Variants in CACNG6 observed in about 807,000 individuals in gnomAD.
The protein encoded by CACNG6 is calcium voltage-gated channel auxiliary subunit gamma 6.
Under a neutral mutation model 23.9 loss-of-function variants are expected in CACNG6, and 21 were observed. The ratio of observed to expected loss-of-function variants is 0.88; its 90% CI spans 0.62 to 1.26. The LOEUF is 1.26. CACNG6 is among the 50% of genes most tolerant of loss of function. The pLI is 0.00. For missense variants in CACNG6, 340 were observed against 352.9 expected, an observed-to-expected ratio of 0.96 and a Z score of 0.29; for synonymous variants, 182 against 168.9, an observed-to-expected ratio of 1.08 and a Z score of -0.60.
chr19:54,012,173 G>A lies in CACNG6; in HGVS notation c.767G>A (p.Gly256Glu), dbSNP rs2069725503. 2 of 1,426,422 alleles carry A rather than the reference G, an allele frequency of 1.4e-6. No homozygotes were observed. The highest frequency in any genetic ancestry group is 1.5e-5 in the African/African-American group (1 of 68,350). The allele number at this position is 1,426,422 out of a possible 1,614,324, so 88.4% of individuals were successfully genotyped here. ...WPWGSLCPKR[G>E]HRAT Reference sequence around the variant, plus strand: ...TGGGGGTCCCTCTGTCCCAAGCGGGGGCACCGGGCCACCTAGAGCCACGCG... The same window carrying A: ...TGGGGGTCCCTCTGTCCCAAGCGGGAGCACCGGGCCACCTAGAGCCACGCG... The change falls in exon 4 of 4, where the codon GGG becomes GAG. Residue 256 changes from glycine to glutamate, a missense_variant. Coordinates refer to ENST00000252729, the MANE Select transcript of CACNG6 (RefSeq NM_145814.2).
intron 3 of CACNG6, among the ~76,000 whole-genome samples, chr19:54,000,869 C>T (rs1409778139): frequency 1.3e-5 from 2 of 152,148 alleles, no homozygotes; most frequent in Non-Finnish European, 2.9e-5. Flanking sequence ...CATGAGCCAC[C>T]ACACACAGCT....
At chr19:54,011,915 C>T (rs368389668) in intron 3 of CACNG6, 36 bp from the exon 4 acceptor site, 177 of 1,389,274 alleles carry the variant, frequency 1.3e-4, no homozygotes, top group Non-Finnish European at 1.6e-4. Context: ...GCTGGGGTCG[C>T]GGGCGTCTGA....
At position 54,005,253 on chromosome 19, in the gene CACNG6, T is replaced by TAAA. The variant is rs1199055881; in HGVS notation, c.544+5484_544+5485insAAA. ...AATAAATAAATAAATAAATAAATAA[T>TAAA]AATAAAAGAAAGAGCACGTGAGAGA... On this transcript the variant is annotated intron_variant, in intron 3 of 3. Transcript: ENST00000252729. 1.4e-4 allele frequency among the ~76,000 whole-genome samples: 8 copies of TAAA among 58,248 alleles called. No individual in the cohort carries two copies. In the East Asian group the frequency reaches 5.5e-3, roughly 40 times the overall value. 38.2% of individuals were successfully genotyped at this position (58,248 alleles called of 152,430 possible). A position where few individuals can be genotyped will look rare whatever the true frequency, so the allele number is the denominator to read the frequency against.
chr19:53,997,863 G>A (rs2069535820), intron 1 of CACNG6, among the ~76,000 whole-genome samples: 1 of 152,122 alleles, frequency 6.6e-6, no homozygotes, highest in Non-Finnish European at 1.5e-5. Context: ...TCTGCTACTT[G>A]TATCTTGGTA....
intron 3 of CACNG6, among the ~76,000 whole-genome samples, chr19:54,005,721 C>G (rs1353256393): frequency 7.0e-6 from 1 of 142,054 alleles, no homozygotes. Context: ...CCACTGCACT[C>G]CAGCCTGGGC....
intron 2 of CACNG6, among the ~76,000 whole-genome samples, chr19:53,999,365 G>A (rs1025983182): frequency 1.3e-5 from 2 of 152,262 alleles, no homozygotes; most frequent in Middle Eastern, 6.8e-3. Context: ...GTGGTAACCA[G>A]ATCCTAAGTA....
intron 3 of CACNG6, among the ~76,000 whole-genome samples, chr19:54,000,776 C>T (rs1342083074): frequency 6.6e-6 from 1 of 152,076 alleles, no homozygotes; most frequent in African/African-American, 2.4e-5. Context: ...GACAGGGTTT[C>T]ACCACATAAG....
Position 53,992,663 on chromosome 19 carries a change from C to A in CACNG6, c.-215C>A. 2.7e-6 allele frequency: 1 copy of A among 364,594 alleles called. No homozygotes were observed. Among genetic ancestry groups the A allele is most frequent in the Non-Finnish European group, 4.9e-6 (1 of 205,146 alleles). The allele number at this position is 364,594 out of a possible 1,614,324, so 22.6% of individuals were successfully genotyped here. ...CCTCCTCTGAACCCCAGAGGCTTCC[C>A]CAGCCCTGGGGATCATTTTTCTCTT... On this transcript the variant is annotated 5_prime_UTR_variant, in exon 1 of 4. Transcript: ENST00000252729. This position sits in a 1 kb window ranked among gnomAD's most constrained non-coding sequence, Gnocchi z 4.1.
intron 3 of CACNG6, among the ~76,000 whole-genome samples, chr19:54,003,312 G>A (rs1383380343): frequency 1.3e-5 from 2 of 152,110 alleles, no homozygotes; most frequent in Admixed American, 6.6e-5. Context: ...CAGCTTGAGA[G>A]GAGGCTGGAG....
rs144258127 is a variant in CACNG6, at chr19:54,001,917, A to C, written c.544+2146A>C. On this transcript the variant is annotated intron_variant, in intron 3 of 3. Transcript: ENST00000252729. ...ATGTAATTGGGGCAAACCTTTTTCT[A>C]TCTCTGAGCTTAAATCTCCTTATAG... 3.2e-4 allele frequency among the ~76,000 whole-genome samples: 48 copies of C among 152,214 alleles called. 1 individual carries two copies. The East Asian group carries it at 7.9e-3, about 25-fold the overall frequency.
chr19:54,010,644 G>A (rs898118515), intron 3 of CACNG6, among the ~76,000 whole-genome samples: 9 of 152,022 alleles, frequency 5.9e-5, no homozygotes, highest in South Asian at 2.1e-4. Flanking sequence ...GTGTGATCAC[G>A]GTTCACTGCT....
chr19:54,011,430 CAAAA>C (rs59105087), intron 3 of CACNG6, among the ~76,000 whole-genome samples: 44,917 of 99,944 alleles, frequency 0.45, 8,224 homozygotes, highest in Middle Eastern at 0.56. Flanking sequence ...GACTCCGTCT[CAAAA>C]AAAAAAAAAA....
At position 53,993,192 on chromosome 19, in the gene CACNG6, C is replaced by T; in HGVS notation, c.315C>T (p.Pro105=). The T allele has an allele frequency of 6.5e-7, 1 of 1,541,250 alleles. No homozygotes were observed. Among genetic ancestry groups the T allele is most frequent in the East Asian group, 2.4e-5 (1 of 40,846 alleles). ...DVPVDRDTCG[P]AELPGEANCT... ...CCGTGGACAGGGACACCTGCGGCCCCGCGGAGCTGCCCGGAGGTGAGCAGC... is the reference window on the plus strand; with the variant it reads ...CCGTGGACAGGGACACCTGCGGCCCTGCGGAGCTGCCCGGAGGTGAGCAGC... Residue 105 remains proline, a synonymous_variant, in exon 1 of 4, where the codon CCC becomes CCT. Coordinates refer to ENST00000252729, the MANE Select transcript of CACNG6 (RefSeq NM_145814.2).
chr19:54,011,227 T>TATATACACACACACACACACAC (rs1442985544), intron 3 of CACNG6, among the ~76,000 whole-genome samples: 27 of 95,278 alleles, frequency 2.8e-4, no homozygotes, highest in African/African-American at 1.6e-3. Context: ...TATATATATA[T>TATATACACACACACACACACAC]ACACACACAC....
chr19:54,004,154 G>A (rs2069608994), intron 3 of CACNG6, among the ~76,000 whole-genome samples: 2 of 151,870 alleles, frequency 1.3e-5, no homozygotes, highest in Non-Finnish European at 2.9e-5. Flanking sequence ...ACCGCACCCG[G>A]CCAAGTGATA....
chr19:54,009,776 C>CT (rs1229411375), intron 3 of CACNG6, among the ~76,000 whole-genome samples: 119 of 90,456 alleles, frequency 1.3e-3, no homozygotes, highest in East Asian at 0.011. Context: ...TTCTTTTTTG[C>CT]TTTTTTTAAA....
At chr19:54,011,205 A>AAAAATATATATATATATATATATAT (rs58054808) in intron 3 of CACNG6, among the ~76,000 whole-genome samples, 5 of 102,506 alleles carry the variant, frequency 4.9e-5, no homozygotes, top group Admixed American at 1.2e-4. Context: ...AAAAAAAAAA[A>AAAAATATATATATATATATATATAT]ATATATATAT....
Position 53,999,144 on chromosome 19 carries a change from G to T in CACNG6, c.407-490G>T, listed in dbSNP as rs116994181. On this transcript the variant is annotated intron_variant, in intron 2 of 3. Transcript: ENST00000252729. ...GCCTCCCAAAGTGCTGGGATTATAG[G>T]TGTGAGCCACCGCACCTGGTCCACA... 4.2e-3 allele frequency among the ~76,000 whole-genome samples: 643 copies of T among 152,226 alleles called. 20 individuals are homozygous for T. The East Asian group carries it at 0.052, about 12-fold the overall frequency.
chr19:53,999,799 G>A (rs1443782161), intron 3 of CACNG6, 28 bp downstream of exon 3: 14 of 1,610,318 alleles, frequency 8.7e-6, no homozygotes, highest in African/African-American at 1.3e-5. Flanking sequence ...GGAGGCTGAG[G>A]ACATTGCATG....
Sources: allele counts gnomAD v4.1 joint callset (sites outside exome capture counted in the v4.1 genomes callset), GRCh38; gene constraint gnomAD v4.1.1; non-coding constraint Gnocchi (gnomAD v3.1); transcripts MANE v1.5; gene names NCBI Gene and HGNC (gene_info 2026-07-23, HGNC 2026-07-21).